IQCM: variants seen among roughly 807,000 people sequenced by gnomAD.
The protein encoded by IQCM is IQ motif containing M, also known as IQ domain-containing protein M.
Under a neutral mutation model 57.6 loss-of-function variants are expected in IQCM, and 45 were observed. That is an observed-to-expected ratio of 0.78 (90% CI 0.62 to 1.00). The LOEUF is 1.00. Among genes scored for constraint, IQCM ranks in the 50% least tolerant of loss-of-function variants. IQCM has a pLI of 0.00. For missense variants in IQCM, 468 were observed against 511.6 expected, an observed-to-expected ratio of 0.91 and a Z score of 0.82; for synonymous variants, 148 against 158.9, an observed-to-expected ratio of 0.93 and a Z score of 0.51.
intron 2 of IQCM, among the ~76,000 whole-genome samples, chr4:149,743,592 T>C (rs72726202): frequency 2.0e-5 from 3 of 152,300 alleles, no homozygotes; most frequent in Admixed American, 6.5e-5. Flanking sequence ...TTTTTAAATA[T>C]ATGTCTAGAG....
At chr4:149,453,506 G>C (rs191274957) in intron 12 of IQCM, among the ~76,000 whole-genome samples, 2 of 151,904 alleles carry the variant, frequency 1.3e-5, no homozygotes, top group Non-Finnish European at 2.9e-5. Context: ...AATATGTAGA[G>C]TACTCCTACA....
intron 12 of IQCM, chr4:149,514,525 C>T (rs900050955): frequency 6.6e-6 from 1 of 152,082 alleles, no homozygotes; most frequent in African/African-American, 2.4e-5. Flanking sequence ...ATTTACTTAC[C>T]TCATATGTGT....
chr4:149,554,054 GATTT>G (rs1202436325), intron 10 of IQCM, among the ~76,000 whole-genome samples: 1 of 151,740 alleles, frequency 6.6e-6, no homozygotes, highest in Non-Finnish European at 1.5e-5. Context: ...ATAATATTTA[GATTT>G]ATTTTCCTGT....
intron 12 of IQCM, among the ~76,000 whole-genome samples, chr4:149,467,507 G>C (rs1374178693): frequency 1.3e-5 from 2 of 152,178 alleles, no homozygotes; most frequent in East Asian, 3.9e-4. Context: ...TAAATTGCTT[G>C]TATGTTTTTC....
At chr4:149,392,313 G>A (rs1052534531) in intron 13 of IQCM, among the ~76,000 whole-genome samples, 1 of 151,976 alleles carries the variant, frequency 6.6e-6, no homozygotes, top group African/African-American at 2.4e-5. Flanking sequence ...AAGCAAGAAG[G>A]TTGAAGATAA....
chr4:149,591,252 T>C (rs1456143458), intron 8 of IQCM, among the ~76,000 whole-genome samples: 2 of 152,030 alleles, frequency 1.3e-5, no homozygotes, highest in Non-Finnish European at 2.9e-5. Context: ...TCAAATATCA[T>C]TGGATGATTT....
intron 2 of IQCM, among the ~76,000 whole-genome samples, chr4:149,787,937 A>G (rs2150023125): frequency 6.6e-6 from 1 of 152,350 alleles, no homozygotes; most frequent in South Asian, 2.1e-4. Flanking sequence ...TGTCTGACAA[A>G]ATAATATTCA....
intron 8 of IQCM, among the ~76,000 whole-genome samples, chr4:149,599,265 A>G (rs1754054214): frequency 6.6e-6 from 1 of 152,192 alleles, no homozygotes; most frequent in African/African-American, 2.4e-5. Context: ...GGATTATACA[A>G]CCACATCAAT....
At chr4:149,481,704 T>TTTTTTTTTG (rs1560895861) in intron 12 of IQCM, among the ~76,000 whole-genome samples, 1 of 134,696 alleles carries the variant, frequency 7.4e-6, no homozygotes, top group Non-Finnish European at 1.6e-5. Context: ...CAGTTTTGTT[T>TTTTTTTTTG]TTTTTTTTTT....
chr4:149,561,555 C>T lies in IQCM; in HGVS notation c.948+2137G>A, dbSNP rs1750123919. On this transcript the variant is annotated intron_variant, in intron 10 of 13. Coordinates refer to ENST00000636793, the MANE Select transcript of IQCM (RefSeq NM_001363507.2). ...GTATTTGTTGAGTGCCTACTACATA[C>T]TAAACACCATTCTAGGCATTTGAAT... Among the ~76,000 whole-genome samples, 3 of 152,056 alleles carry T rather than the reference C, an allele frequency of 2.0e-5. No homozygotes were observed. The South Asian group carries it at 6.2e-4, about 32-fold the overall frequency.
At chr4:149,430,629 C>T (rs572846975) in intron 13 of IQCM, among the ~76,000 whole-genome samples, 4 of 152,054 alleles carry the variant, frequency 2.6e-5, no homozygotes, top group African/African-American at 7.2e-5. Flanking sequence ...CTCTTTCACT[C>T]GCATACTTAT....
intron 13 of IQCM, among the ~76,000 whole-genome samples, chr4:149,413,618 G>C (rs1472161006): frequency 6.6e-6 from 1 of 152,178 alleles, no homozygotes; most frequent in Non-Finnish European, 1.5e-5. Context: ...ACAAAGAGCA[G>C]TGTCTAAACA....
chr4:149,709,427 T>C (rs1370679147), intron 5 of IQCM, among the ~76,000 whole-genome samples: 5 of 152,152 alleles, frequency 3.3e-5, no homozygotes, highest in African/African-American at 1.2e-4. Flanking sequence ...CTTTTCTGTA[T>C]GAGCATATAT....
At chr4:149,754,377 T>C (rs571238548) in intron 2 of IQCM, among the ~76,000 whole-genome samples, 2 of 152,330 alleles carry the variant, frequency 1.3e-5, no homozygotes, top group South Asian at 4.1e-4. Flanking sequence ...TGACAATTCC[T>C]GCTTTCTTCC....
At chr4:149,793,000 C>T (rs1049774132) in intron 2 of IQCM, among the ~76,000 whole-genome samples, 1 of 152,176 alleles carries the variant, frequency 6.6e-6, no homozygotes, top group Non-Finnish European at 1.5e-5. Context: ...TTGTCTATAT[C>T]CTTGACTGGG....
chr4:149,790,109 C>A, intron 2 of IQCM: 1 of 679,444 alleles, frequency 1.5e-6, no homozygotes, highest in Non-Finnish European at 2.3e-6. Context: ...AAAAAAAGAA[C>A]AGCCCTTATT....
chr4:149,370,325 G>A (rs890553227), intron 13 of IQCM, among the ~76,000 whole-genome samples: 2 of 152,016 alleles, frequency 1.3e-5, no homozygotes, highest in Non-Finnish European at 2.9e-5. Context: ...TTCTTCATCC[G>A]TAAAATGAAA....
rs559561981 is a variant in IQCM at position 149,619,038 on chromosome 4, T to C, written c.681+2091A>G. 2.0e-5 allele frequency among the ~76,000 whole-genome samples: 3 copies of C among 150,866 alleles called. No homozygotes were observed. The South Asian group carries it at 6.3e-4, about 32-fold the overall frequency. On this transcript the variant is annotated intron_variant, in intron 8 of 13. Coordinates refer to ENST00000636793, the MANE Select transcript of IQCM (RefSeq NM_001363507.2). Reference sequence around the variant, plus strand: ...ATTCATTATGTTTATGGCAGCACTGTTTACAATAACAAAGTCAGAATAAAC... The same window carrying C: ...ATTCATTATGTTTATGGCAGCACTGCTTACAATAACAAAGTCAGAATAAAC...
intron 12 of IQCM, among the ~76,000 whole-genome samples, chr4:149,461,779 C>A (rs1331407501): frequency 2.0e-5 from 3 of 151,380 alleles, no homozygotes; most frequent in Admixed American, 6.6e-5. Context: ...TGGCAAATTT[C>A]TTATCAATGG....
Sources: gnomAD v4.1 joint callset for allele counts (sites outside exome capture counted in the v4.1 genomes callset) on GRCh38, gnomAD v4.1.1 for gene constraint, MANE v1.5 for transcripts, NCBI Gene and HGNC (gene_info 2026-07-23, HGNC 2026-07-21) for gene names.